Variants in BTC observed in about 807,000 individuals in gnomAD.
BTC encodes the protein betacellulin.
In BTC, 13 loss-of-function variants were observed where a neutral mutation model predicts 18.1. That is an observed-to-expected ratio of 0.72 (90% CI 0.47 to 1.14). The LOEUF is 1.14. Ranked by LOEUF, BTC falls within the 50% of genes most tolerant of loss-of-function variation. The pLI is 0.00. For missense variants in BTC, 247 were observed against 224.2 expected, an observed-to-expected ratio of 1.10 and a Z score of -0.65; for synonymous variants, 83 against 79.4, an observed-to-expected ratio of 1.05 and a Z score of -0.24.
intron 2 of BTC, among the ~76,000 whole-genome samples, chr4:74,768,574 G>A (rs1296887614): frequency 6.6e-6 from 1 of 152,146 alleles, no homozygotes; most frequent in Admixed American, 6.5e-5. Flanking sequence ...TATAGAAGCA[G>A]ATAGTAGTAT....
chr4:74,750,755 G>T (rs141692378), intron 3 of BTC, 36 bp from the exon 4 acceptor site: 4 of 1,595,274 alleles, frequency 2.5e-6, no homozygotes, highest in Non-Finnish European at 3.4e-6. Context: ...AGTAAAACTT[G>T]CAAGACTTTT....
chr4:74,782,549 G>A (rs113326362), intron 1 of BTC, among the ~76,000 whole-genome samples: 8,519 of 152,118 alleles, frequency 0.056, 371 homozygotes, highest in Admixed American at 0.12. Flanking sequence ...TGTGAATACC[G>A]CGCACTGAAC....
intron 2 of BTC, among the ~76,000 whole-genome samples, chr4:74,764,990 C>T (rs1160858839): frequency 6.6e-6 from 1 of 151,828 alleles, no homozygotes; most frequent in African/African-American, 2.4e-5. Flanking sequence ...ATAAAATCAT[C>T]AGGACTCGTG....
chr4:74,766,990 G>A (rs1449982125), intron 2 of BTC, among the ~76,000 whole-genome samples: 1 of 151,980 alleles, frequency 6.6e-6, no homozygotes, highest in East Asian at 1.9e-4. Flanking sequence ...AAATTAGAAA[G>A]CTTTTCCTCC....
chr4:74,788,124 C>G (rs1371648605), intron 1 of BTC, among the ~76,000 whole-genome samples: 1 of 152,192 alleles, frequency 6.6e-6, no homozygotes, highest in Non-Finnish European at 1.5e-5. Context: ...GCCTCCAATT[C>G]CTAGGATATC....
At chr4:74,787,509 G>A (rs1232693239) in intron 1 of BTC, among the ~76,000 whole-genome samples, 1 of 152,048 alleles carries the variant, frequency 6.6e-6, no homozygotes, top group African/African-American at 2.4e-5. Context: ...ATCTGGAAAG[G>A]TTAGCCATCT....
intron 1 of BTC, among the ~76,000 whole-genome samples, chr4:74,791,636 C>T (rs1339305429): frequency 2.6e-5 from 4 of 152,034 alleles, no homozygotes; most frequent in Non-Finnish European, 5.9e-5. Context: ...TATAAAATTT[C>T]TCAAAGAAAG....
At chr4:74,767,603 C>G (rs1200820105) in intron 2 of BTC, among the ~76,000 whole-genome samples, 3 of 151,820 alleles carry the variant, frequency 2.0e-5, no homozygotes, top group African/African-American at 7.3e-5. Flanking sequence ...TACAAAGGAC[C>G]CTGGATAGCC....
intron 3 of BTC, 47 bp downstream of exon 3, chr4:74,755,812 C>A: frequency 6.5e-7 from 1 of 1,545,524 alleles, no homozygotes; most frequent in Non-Finnish European, 8.9e-7. Flanking sequence ...CCCAGGCGGG[C>A]ACCATTCTGC....
intron 5 of BTC, among the ~76,000 whole-genome samples, chr4:74,747,215 C>G (rs1245053501): frequency 1.3e-5 from 2 of 152,194 alleles, no homozygotes; most frequent in Admixed American, 6.5e-5. Context: ...CTTCTTGGAG[C>G]CTTTCTCTGC....
chr4:74,768,999 T>C (rs1724971063), intron 2 of BTC, among the ~76,000 whole-genome samples: 1 of 152,096 alleles, frequency 6.6e-6, no homozygotes. Context: ...ATGAGCACCT[T>C]CTGACCACCC....
chr4:74,771,675 G>A (rs182570440), intron 1 of BTC, among the ~76,000 whole-genome samples: 8 of 152,174 alleles, frequency 5.3e-5, no homozygotes, highest in African/African-American at 1.9e-4. Context: ...CCTAACATGG[G>A]TAACAGTGAA....
chr4:74,762,931 T>C (rs1371374300), intron 2 of BTC, among the ~76,000 whole-genome samples: 15 of 152,176 alleles, frequency 9.9e-5, no homozygotes, highest in Admixed American at 9.8e-4. Context: ...ACCTCTGGAA[T>C]TGTGTTCTTG....
chr4:74,755,608 A>T (rs113964882), intron 3 of BTC, among the ~76,000 whole-genome samples: 7 of 152,236 alleles, frequency 4.6e-5, no homozygotes, highest in African/African-American at 7.2e-5. Context: ...TTGCGCAAGA[A>T]ATCAGAGGAC....
intron 2 of BTC, among the ~76,000 whole-genome samples, chr4:74,757,344 G>C (rs1724627836): frequency 6.6e-6 from 1 of 152,162 alleles, no homozygotes; most frequent in South Asian, 2.1e-4. Context: ...TTCAGGGGAT[G>C]GCAGAATCTC....
At chr4:74,771,422 G>T (rs1297070234) in intron 1 of BTC, among the ~76,000 whole-genome samples, 1 of 152,068 alleles carries the variant, frequency 6.6e-6, no homozygotes, top group Non-Finnish European at 1.5e-5. Context: ...AACTCAATTT[G>T]GTTCAACAAA....
In BTC at chr4:74,783,995, G is replaced by A. The variant is rs11930357; in HGVS notation, c.64+10267C>T. Reference sequence around the variant, plus strand: ...CTCCTGTAATCCCTGCACTTTGGGAGGCCGAGGCAGATGGATCACTTGAGG... The same window carrying A: ...CTCCTGTAATCCCTGCACTTTGGGAAGCCGAGGCAGATGGATCACTTGAGG... On this transcript the variant is annotated intron_variant, in intron 1 of 5. Transcript: ENST00000395743. 9.5e-3 allele frequency among the ~76,000 whole-genome samples: 1,446 copies of A among 152,150 alleles called. 21 individuals are homozygous for A. The highest frequency in any genetic ancestry group is 0.033 in the African/African-American group (1,363 of 41,498).
intron 1 of BTC, among the ~76,000 whole-genome samples, chr4:74,777,620 G>C (rs1289571052): frequency 6.6e-6 from 1 of 151,966 alleles, no homozygotes; most frequent in Non-Finnish European, 1.5e-5. Context: ...CTAATTTTTG[G>C]AAGAAATTTG....
chr4:74,794,401 G>C lies in BTC; in HGVS notation c.-76C>G. 1 of 1,398,094 alleles carries C rather than the reference G, an allele frequency of 7.2e-7. No homozygotes were observed. The highest frequency in any genetic ancestry group is 9.4e-7 in the Non-Finnish European group (1 of 1,063,784). The allele number at this position is 1,398,094 out of a possible 1,614,324, so 86.6% of individuals were successfully genotyped here. A position where few individuals can be genotyped will look rare whatever the true frequency, so the allele number is the denominator to read the frequency against. On this transcript the variant is annotated 5_prime_UTR_variant, in exon 1 of 6. Coordinates refer to ENST00000395743, the MANE Select transcript of BTC (RefSeq NM_001729.4). Reference sequence around the variant, plus strand: ...TTCGCCCCCTTCCCGGGCCTCGGGCGCCTGAGAGGGTGCCTGGAAACTAAT... The same window carrying C: ...TTCGCCCCCTTCCCGGGCCTCGGGCCCCTGAGAGGGTGCCTGGAAACTAAT...
Sources: allele counts gnomAD v4.1 joint callset (sites outside exome capture counted in the v4.1 genomes callset), GRCh38; gene constraint gnomAD v4.1.1; transcripts MANE v1.5; gene names NCBI Gene and HGNC (gene_info 2026-07-23, HGNC 2026-07-21).